MGAT4D: variants seen among roughly 807,000 people sequenced by gnomAD.
MGAT4D encodes MGAT4 family member D.
In MGAT4D, 34 loss-of-function variants were observed where a neutral mutation model predicts 15.9. That is an observed-to-expected ratio of 2.14 (90% CI 1.62 to 2.84). The LOEUF is 2.84. Ranked by LOEUF, MGAT4D falls within the 30% of genes most tolerant of loss-of-function variation. MGAT4D has a pLI of 0.00. For synonymous variants in MGAT4D, 112 were observed against 48.2 expected, an observed-to-expected ratio of 2.33 and a Z score of -5.49; for missense variants, 327 against 140.2, an observed-to-expected ratio of 2.33 and a Z score of -6.73.
intron 7 of MGAT4D, among the ~76,000 whole-genome samples, 173 bp from the exon 8 acceptor site, chr4:140,459,799 C>CTTTTTTTTT (rs576574327): frequency 9.2e-6 from 1 of 109,064 alleles, no homozygotes. Context: ...AGTTGATTTC[C>CTTTTTTTTT]TTTTTTTTTT....
intron 5 of MGAT4D, among the ~76,000 whole-genome samples, chr4:140,465,308 A>C (rs1731461093): frequency 6.6e-6 from 1 of 152,216 alleles, no homozygotes; most frequent in Non-Finnish European, 1.5e-5. Flanking sequence ...AATGAAACTC[A>C]TGGATTATGA....
At chr4:140,456,849 C>T (rs1040589607) in intron 8 of MGAT4D, 130 bp from the exon 9 acceptor site, 1 of 472,504 alleles carries the variant, frequency 2.1e-6, no homozygotes, top group African/African-American at 2.0e-5. Flanking sequence ...TAAAGCACTG[C>T]TGAAGTTAGA....
intron 3 of MGAT4D, 104 bp downstream of exon 3, chr4:140,479,386 G>A: frequency 2.7e-6 from 1 of 367,272 alleles, no homozygotes; most frequent in Non-Finnish European, 4.9e-6. Context: ...GCTGTAGTCT[G>A]CATATCAATC....
At position 140,483,085 on chromosome 4, in the gene MGAT4D, T is replaced by C. The variant is rs1445879113; in HGVS notation, c.95-600A>G. Among the ~76,000 whole-genome samples the C allele has an allele frequency of 3.9e-5, 6 of 152,232 alleles. No individual in the cohort carries two copies. The East Asian group carries it at 1.2e-3, about 29-fold the overall frequency. ...TAATATTTGTGTTATCTGGGGAAAATTGCTTAATTTTTATTTGCCTCTGCT... is the reference window on the plus strand; with the variant it reads ...TAATATTTGTGTTATCTGGGGAAAACTGCTTAATTTTTATTTGCCTCTGCT... On this transcript the variant is annotated intron_variant, in intron 1 of 10. Coordinates refer to ENST00000511113, the MANE Select transcript of MGAT4D (RefSeq NM_001277353.2).
intron 9 of MGAT4D, among the ~76,000 whole-genome samples, chr4:140,454,012 A>ATGTGTGTG (rs34758499): frequency 6.8e-6 from 1 of 148,102 alleles, no homozygotes; most frequent in African/African-American, 2.5e-5. Flanking sequence ...TCTAGGATGT[A>ATGTGTGTG]TGTGTGTGTG....
chr4:140,447,104 T>G (rs1391241952), intron 10 of MGAT4D, among the ~76,000 whole-genome samples: 1 of 152,148 alleles, frequency 6.6e-6, no homozygotes, highest in Non-Finnish European at 1.5e-5. Context: ...GTTTTGCATT[T>G]GCTGAGGATT....
Position 140,444,062 on chromosome 4 carries a change from G to A in MGAT4D, c.1117-618C>T, listed in dbSNP as rs374667446. 2.2e-3 allele frequency among the ~76,000 whole-genome samples: 339 copies of A among 152,164 alleles called. 1 individual carries two copies. Among genetic ancestry groups the A allele is most frequent in the African/African-American group, 6.7e-3 (278 of 41,542 alleles). ...TTTCCCAGCATCAAATTCTAAAAGAGAATTGTTGCATGTATTTTCACATAA... is the reference window on the plus strand; with the variant it reads ...TTTCCCAGCATCAAATTCTAAAAGAAAATTGTTGCATGTATTTTCACATAA... On this transcript the variant is annotated intron_variant, in intron 10 of 10. Coordinates refer to ENST00000511113, the MANE Select transcript of MGAT4D (RefSeq NM_001277353.2).
At chr4:140,449,485 C>T (rs994619281) in intron 10 of MGAT4D, among the ~76,000 whole-genome samples, 3 of 152,184 alleles carry the variant, frequency 2.0e-5, no homozygotes, top group South Asian at 4.1e-4. Context: ...CATGGCCAGG[C>T]ATGATGGCTC....
intron 1 of MGAT4D, among the ~76,000 whole-genome samples, chr4:140,486,437 C>G (rs893635016): frequency 4.1e-4 from 63 of 152,162 alleles, no homozygotes; most frequent in African/African-American, 1.5e-3. Flanking sequence ...ATGTGCTGCA[C>G]ACATCAACCT....
chr4:140,452,383 TTAACTG>T (rs1051947156), intron 9 of MGAT4D, among the ~76,000 whole-genome samples: 2 of 152,208 alleles, frequency 1.3e-5, no homozygotes, highest in African/African-American at 4.8e-5. Context: ...AGTTTCTCTT[TTAACTG>T]TAAAGTAATT....
intron 7 of MGAT4D, among the ~76,000 whole-genome samples, chr4:140,460,442 G>A (rs565443617): frequency 2.0e-5 from 3 of 152,250 alleles, no homozygotes; most frequent in South Asian, 2.1e-4. Flanking sequence ...ATAAGGGCAC[G>A]AATCCCATTT....
chr4:140,494,862 G>A (rs1043424670), intron 1 of MGAT4D, among the ~76,000 whole-genome samples: 1 of 152,056 alleles, frequency 6.6e-6, no homozygotes, highest in Non-Finnish European at 1.5e-5. Flanking sequence ...CCCTCTCCCC[G>A]CAAAGAATTA....
At chr4:140,473,702 AT>A (rs1038325680) in intron 4 of MGAT4D, among the ~76,000 whole-genome samples, 3 of 151,824 alleles carry the variant, frequency 2.0e-5, no homozygotes, top group African/African-American at 7.3e-5. Flanking sequence ...TTGCTTGTTC[AT>A]TTGTTTGTTT....
chr4:140,485,850 C>CAAAAAAAAAAAAAAAAAAA (rs1578712314), intron 1 of MGAT4D, among the ~76,000 whole-genome samples: 3 of 41,930 alleles, frequency 7.2e-5, no homozygotes, highest in Admixed American at 2.9e-4. Flanking sequence ...AAAAAAAAAG[C>CAAAAAAAAAAAAAAAAAAA]AATGATGATA....
At chr4:140,457,586 A>G (rs1356368037) in intron 8 of MGAT4D, 1 of 152,192 alleles carries the variant, frequency 6.6e-6, no homozygotes, top group Non-Finnish European at 1.5e-5. Context: ...TCATATTTTT[A>G]GCAAATAATG....
intron 1 of MGAT4D, among the ~76,000 whole-genome samples, chr4:140,487,239 A>G (rs1008329715): frequency 2.0e-5 from 3 of 152,212 alleles, no homozygotes. Context: ...TATTTTGCAA[A>G]GGTTTGAAAT....
intron 3 of MGAT4D, among the ~76,000 whole-genome samples, chr4:140,475,735 A>AACT (rs1732273093): frequency 1.3e-5 from 2 of 150,396 alleles, no homozygotes; most frequent in African/African-American, 4.9e-5. Flanking sequence ...ACTTAAGAAA[A>AACT]ACTATGGAAC....
At chr4:140,448,317 CCT>C (rs1730261720) in intron 10 of MGAT4D, among the ~76,000 whole-genome samples, 1 of 152,038 alleles carries the variant, frequency 6.6e-6, no homozygotes, top group African/African-American at 2.4e-5. Context: ...TGGCTTTCTC[CCT>C]GTCTTATTCG....
In MGAT4D at chr4:140,489,622, C is replaced by CAGAG. The variant is rs1560802019; in HGVS notation, c.95-7138_95-7137insCTCT. On this transcript the variant is annotated intron_variant, in intron 1 of 10. Coordinates refer to ENST00000511113, the MANE Select transcript of MGAT4D (RefSeq NM_001277353.2). ...TGGTTTTATACCTTAATAAATAAAA[C>CAGAG]TCTGTACTTGCTTCTTTAGCTCAAT... Among the ~76,000 whole-genome samples the CAGAG allele has an allele frequency of 6.6e-5, 10 of 152,252 alleles. No homozygotes were observed. The South Asian group carries it at 2.1e-3, about 32-fold the overall frequency.
Sources: gnomAD v4.1 joint callset for allele counts (sites outside exome capture counted in the v4.1 genomes callset) on GRCh38, gnomAD v4.1.1 for gene constraint, MANE v1.5 for transcripts, NCBI Gene and HGNC (gene_info 2026-07-23, HGNC 2026-07-21) for gene names.